Variants in SLC22A3 observed in about 807,000 individuals in gnomAD.
SLC22A3 encodes solute carrier family 22 member 3, also known as EMT organic cation transporter 3.
In SLC22A3, 51 loss-of-function variants were observed where a neutral mutation model predicts 59.1. That is an observed-to-expected ratio of 0.86 (90% CI 0.69 to 1.09). The LOEUF (loss-of-function observed/expected upper bound fraction) is 1.09. SLC22A3 is among the 50% of genes least tolerant of loss of function. SLC22A3 has a pLI of 0.00. For missense variants in SLC22A3, 711 were observed against 726.3 expected, an observed-to-expected ratio of 0.98 and a Z score of 0.24; for synonymous variants, 325 against 292.0, an observed-to-expected ratio of 1.11 and a Z score of -1.15.
At position 160,353,280 on chromosome 6, in the gene SLC22A3, T is replaced by A. The variant is rs570491338; in HGVS notation, c.429+4432T>A. Among the ~76,000 whole-genome samples the A allele has an allele frequency of 4.6e-5, 7 of 152,368 alleles. No individual in the cohort carries two copies. In the South Asian group the frequency reaches 1.4e-3, roughly 32 times the overall value. ...ACAATAAGGACCTTCATTATGAGAA[T>A]GTGCAAGAGTATCTCCTGCTCCTCT... On this transcript the variant is annotated intron_variant, in intron 1 of 10. Transcript: ENST00000275300.
chr6:160,410,768 G>A lies in SLC22A3; in HGVS notation c.897G>A (p.Lys299=). Residue 299 remains lysine, a synonymous_variant, in exon 5 of 11, where the codon AAG becomes AAA. Transcript: ENST00000275300. ...PESPRWLITR[K]KGDKALQILR... ...CTCCCCGTTGGCTGATTACTCGGAA[G>A]AAAGGAGATAAAGCATTACAGATCC... is the stretch of plus-strand genomic sequence containing the variant. The A allele has an allele frequency of 1.2e-6, 2 of 1,613,370 alleles. No individual in the cohort carries two copies. The highest frequency in any genetic ancestry group is 1.7e-6 in the Non-Finnish European group (2 of 1,179,566).
intron 9 of SLC22A3, 118 bp from the exon 10 acceptor site, chr6:160,447,601 T>C: frequency 1.2e-6 from 1 of 811,428 alleles, no homozygotes. Flanking sequence ...ATGCAGAGGT[T>C]GCTGTGGTTG....
intron 1 of SLC22A3, among the ~76,000 whole-genome samples, chr6:160,363,104 A>T (rs1180972489): frequency 6.6e-6 from 1 of 152,174 alleles, no homozygotes; most frequent in African/African-American, 2.4e-5. Context: ...AGTGTTGCCG[A>T]GGGGCAGAAA....
intron 5 of SLC22A3, among the ~76,000 whole-genome samples, chr6:160,419,808 A>C (rs191577824): frequency 6.6e-6 from 1 of 152,312 alleles, no homozygotes; most frequent in African/African-American, 2.4e-5. Context: ...TGAATGCATA[A>C]AAATATGTCA....
intron 5 of SLC22A3, among the ~76,000 whole-genome samples, chr6:160,421,203 C>G (rs78569827): frequency 1.6e-4 from 25 of 152,364 alleles, no homozygotes; most frequent in African/African-American, 5.8e-4. Flanking sequence ...AGGCCACAGA[C>G]AGCAGGGCCA....
At position 160,416,525 on chromosome 6, in the gene SLC22A3, G is replaced by T. The variant is rs577870756; in HGVS notation, c.975+5679G>T. Among the ~76,000 whole-genome samples the T allele has an allele frequency of 2.5e-4, 38 of 151,922 alleles. 1 individual carries two copies. The South Asian group carries it at 7.3e-3, about 29-fold the overall frequency. On this transcript the variant is annotated intron_variant, in intron 5 of 10. Transcript: ENST00000275300. ...TAATGATAGCACAGGCACAGCTACA[G>T]CATGACAGCGTCTCACAATGTCTTC...
At chr6:160,450,613 G>A (rs1003484375) in intron 10 of SLC22A3, among the ~76,000 whole-genome samples, 2 of 152,016 alleles carry the variant, frequency 1.3e-5, no homozygotes, top group Non-Finnish European at 2.9e-5. Context: ...ATTAATTTTG[G>A]GAACTGATAA....
chr6:160,373,897 G>C (rs1051514723), intron 1 of SLC22A3, among the ~76,000 whole-genome samples: 1 of 152,182 alleles, frequency 6.6e-6, no homozygotes, highest in Non-Finnish European at 1.5e-5. Context: ...TCAGACTGCT[G>C]TGCCGGCAGC....
intron 4 of SLC22A3, 150 bp downstream of exon 4, chr6:160,409,071 G>T (rs1787143705): frequency 1.6e-6 from 1 of 614,906 alleles, no homozygotes; most frequent in Non-Finnish European, 2.6e-6. Flanking sequence ...TGCACATTGT[G>T]CAGGTTAGTT....
At chr6:160,420,902 G>A (rs1787704914) in intron 5 of SLC22A3, among the ~76,000 whole-genome samples, 3 of 152,322 alleles carry the variant, frequency 2.0e-5, no homozygotes, top group Admixed American at 2.0e-4. Context: ...CGGGATTGGG[G>A]GCAGGTTGCT....
At chr6:160,411,666 C>T (rs1422433893) in intron 5 of SLC22A3, among the ~76,000 whole-genome samples, 1 of 152,116 alleles carries the variant, frequency 6.6e-6, no homozygotes, top group Non-Finnish European at 1.5e-5. Context: ...CATTTGAGCC[C>T]AGGACTTTGA....
chr6:160,399,561 T>C (rs1263107403), intron 2 of SLC22A3, among the ~76,000 whole-genome samples: 1 of 152,120 alleles, frequency 6.6e-6, no homozygotes, highest in Admixed American at 6.6e-5. Flanking sequence ...GGGCCAGACC[T>C]GGGAAAAAGA....
intron 7 of SLC22A3, among the ~76,000 whole-genome samples, chr6:160,438,156 A>C (rs886502050): frequency 7.2e-5 from 11 of 152,068 alleles, no homozygotes; most frequent in Admixed American, 5.2e-4. Context: ...AATTTTTCAG[A>C]GCTCCATGCC....
chr6:160,358,396 G>A (rs768825359), intron 1 of SLC22A3, among the ~76,000 whole-genome samples: 1 of 152,192 alleles, frequency 6.6e-6, no homozygotes, highest in Non-Finnish European at 1.5e-5. Flanking sequence ...GACTCAGAGA[G>A]GCAGCTTGGG....
At chr6:160,352,944 C>A (rs1457200660) in intron 1 of SLC22A3, among the ~76,000 whole-genome samples, 2 of 152,222 alleles carry the variant, frequency 1.3e-5, no homozygotes, top group African/African-American at 2.4e-5. Context: ...CCTCAGCCTC[C>A]TGAGTAGCTG....
intron 1 of SLC22A3, among the ~76,000 whole-genome samples, chr6:160,355,626 G>C (rs370412699): frequency 2.6e-5 from 4 of 151,418 alleles, no homozygotes; most frequent in Non-Finnish European, 5.9e-5. Flanking sequence ...AAAACGATTA[G>C]CCAGGCATGG....
intron 1 of SLC22A3, among the ~76,000 whole-genome samples, chr6:160,383,448 T>C (rs1001186045): frequency 6.6e-6 from 1 of 152,164 alleles, no homozygotes; most frequent in Non-Finnish European, 1.5e-5. Flanking sequence ...CCTTCCCGCT[T>C]TCCTCTTGCT....
At chr6:160,401,313 G>C (rs1786771834) in intron 2 of SLC22A3, among the ~76,000 whole-genome samples, 1 of 151,784 alleles carries the variant, frequency 6.6e-6, no homozygotes, top group South Asian at 2.1e-4. Context: ...AGAGTGGGGG[G>C]ATAATGTCTT....
intron 1 of SLC22A3, among the ~76,000 whole-genome samples, chr6:160,365,047 A>G (rs76811215): frequency 6.6e-6 from 1 of 152,210 alleles, no homozygotes; most frequent in South Asian, 2.1e-4. Flanking sequence ...AATTTTTTTT[A>G]CTGTGTAGCA....
Sources: gnomAD v4.1 joint callset for allele counts (sites outside exome capture counted in the v4.1 genomes callset) on GRCh38, gnomAD v4.1.1 for gene constraint, MANE v1.5 for transcripts, NCBI Gene and HGNC (gene_info 2026-07-23, HGNC 2026-07-21) for gene names.